The following WDR31 variants were observed in gnomAD, a reference collection of about 807,000 sequenced individuals.
WDR31 encodes the protein WD repeat-containing protein 31.
Under a neutral mutation model 47.3 loss-of-function variants are expected in WDR31, and 30 were observed. The ratio of observed to expected loss-of-function variants is 0.63; its 90% CI spans 0.47 to 0.86. WDR31 has a LOEUF of 0.86. Ranked by LOEUF, WDR31 falls within the 40% of genes least tolerant of loss-of-function variation. The pLI, the probability that WDR31 is intolerant of heterozygous loss-of-function variation, is 0.00. For missense variants in WDR31, 406 were observed against 442.9 expected, an observed-to-expected ratio of 0.92 and a Z score of 0.75; for synonymous variants, 137 against 159.4, an observed-to-expected ratio of 0.86 and a Z score of 1.06.
chr9:113,318,294 T>A (rs1186269476), intron 10 of WDR31, among the ~76,000 whole-genome samples, 181 bp downstream of exon 10: 5 of 152,258 alleles, frequency 3.3e-5, no homozygotes, highest in African/African-American at 4.8e-5. Context: ...GGAATGAGTC[T>A]ATACAACATG....
intron 8 of WDR31, among the ~76,000 whole-genome samples, chr9:113,321,307 G>C (rs1458467443): frequency 6.6e-6 from 1 of 152,180 alleles, no homozygotes; most frequent in Non-Finnish European, 1.5e-5. Context: ...GCTTTTACTT[G>C]GCCTGATCTC....
intron 4 of WDR31, among the ~76,000 whole-genome samples, chr9:113,330,076 A>G (rs926723977): frequency 1.3e-5 from 2 of 152,188 alleles, no homozygotes; most frequent in Admixed American, 1.3e-4. Context: ...TGAAGATTCT[A>G]AAAGGCTATT....
chr9:113,316,714 A>G lies in WDR31; in HGVS notation c.*35T>C, dbSNP rs1366738946. 1 of 1,594,772 alleles carries G rather than the reference A, an allele frequency of 6.3e-7. No homozygotes were observed. Among genetic ancestry groups the G allele is most frequent in the Non-Finnish European group, 8.6e-7 (1 of 1,169,000 alleles). On this transcript the variant is annotated 3_prime_UTR_variant, in exon 11 of 11. Transcript: ENST00000374193. Reference sequence around the variant, plus strand: ...CACAAAGCCATGCTGAGGAGGAGCCATGGTTTGATATTGTCCAGTGAGTGT... The same window carrying G: ...CACAAAGCCATGCTGAGGAGGAGCCGTGGTTTGATATTGTCCAGTGAGTGT...
intron 10 of WDR31, 95 bp downstream of exon 10, chr9:113,318,380 G>A (rs904742400): frequency 4.7e-5 from 67 of 1,427,956 alleles, no homozygotes; most frequent in Middle Eastern, 2.4e-4. Flanking sequence ...GAAGATGGGT[G>A]GCTTTGTAAT....
At chr9:113,321,658 C>A in intron 7 of WDR31, 80 bp from the exon 8 acceptor site, 2 of 1,327,392 alleles carry the variant, frequency 1.5e-6, no homozygotes, top group Middle Eastern at 1.8e-4. Flanking sequence ...TGCTAACTAG[C>A]ATCACTGTGC....
chr9:113,322,120 C>G (rs894075314), intron 7 of WDR31, among the ~76,000 whole-genome samples: 1 of 151,276 alleles, frequency 6.6e-6, no homozygotes, highest in African/African-American at 2.4e-5. Flanking sequence ...ATTTGACAAC[C>G]ACTAAAAGAA....
At chr9:113,338,423 A>T (rs2118871627) in intron 1 of WDR31, among the ~76,000 whole-genome samples, 1 of 152,354 alleles carries the variant, frequency 6.6e-6, no homozygotes, top group Admixed American at 6.5e-5. Flanking sequence ...AGAATAAGAA[A>T]TAAAAGTACT....
rs1180530861 is a variant in WDR31, at chr9:113,322,855, C to T, written c.526G>A (p.Val176Met). 6.2e-7 allele frequency: 1 copy of T among 1,614,058 alleles called. No individual in the cohort carries two copies. Among genetic ancestry groups the T allele is most frequent in the Non-Finnish European group, 8.5e-7 (1 of 1,180,044 alleles). The stretch of plus-strand genomic sequence containing the variant: ...GCTCTTTCCACACTCTGTCCTGTCA[C>T]CACATCCCACAGAAGCAGGGTGTTG... ...RDNTLLLWDV[V>M]TGQSVERASV... The change falls in exon 7 of 11, where the codon GTG (valine) becomes ATG (methionine). Residue 176 changes from valine (V) to methionine (M), a missense_variant. Transcript: ENST00000374193.
At chr9:113,335,035 G>C (rs1257990128) in intron 2 of WDR31, among the ~76,000 whole-genome samples, 1 of 152,082 alleles carries the variant, frequency 6.6e-6, no homozygotes, top group Non-Finnish European at 1.5e-5. Context: ...CAAAAAGTTT[G>C]AGAGCCAGTG....
chr9:113,320,516 A>G lies in WDR31; in HGVS notation c.639-18T>C. On this transcript the variant is annotated intron_variant, in intron 8 of 10. Coordinates refer to ENST00000374193, the MANE Select transcript of WDR31 (RefSeq NM_001012361.4). ...CCCATAATCTGAAAGAGATTAGGGC[A>G]GGAAATTAGCTTGTAGTAAATGTGG... The G allele has an allele frequency of 6.2e-7, 1 of 1,610,130 alleles. No individual in the cohort carries two copies. Among genetic ancestry groups the G allele is most frequent in the Non-Finnish European group, 8.5e-7 (1 of 1,177,834 alleles).
chr9:113,331,384 C>G (rs907996441), intron 3 of WDR31, among the ~76,000 whole-genome samples: 1 of 152,186 alleles, frequency 6.6e-6, no homozygotes, highest in African/African-American at 2.4e-5. Context: ...TTTGCTCACA[C>G]TAGCAATTAA....
At chr9:113,317,897 C>T (rs1833243268) in intron 10 of WDR31, among the ~76,000 whole-genome samples, 1 of 152,252 alleles carries the variant, frequency 6.6e-6, no homozygotes, top group Non-Finnish European at 1.5e-5. Context: ...AGATTTCAGG[C>T]TACCAAAGGT....
At chr9:113,335,567 A>G (rs571630580) in intron 2 of WDR31, among the ~76,000 whole-genome samples, 41 of 152,334 alleles carry the variant, frequency 2.7e-4, no homozygotes, top group African/African-American at 9.6e-4. Flanking sequence ...CACCAACTTA[A>G]TATTCTCATT....
rs1373498770 is a variant in WDR31 at position 113,315,614 on chromosome 9, A to C, written c.*1135T>G. The C allele has an allele frequency of 6.6e-6, 1 of 151,886 alleles. No individual in the cohort carries two copies. Among genetic ancestry groups the C allele is most frequent in the Non-Finnish European group, 1.5e-5 (1 of 68,076 alleles). 9.4% of individuals were successfully genotyped at this position (151,886 alleles called of 1,614,324 possible). A position where few individuals can be genotyped will look rare whatever the true frequency, so the allele number is the denominator to read the frequency against. ...TGCCCCTCCTCACTGAAGGGGGCTT[A>C]ATGTCTGGGGCACAGTTGACTCCAT... On this transcript the variant is annotated 3_prime_UTR_variant, in exon 11 of 11. Coordinates refer to ENST00000374193, the MANE Select transcript of WDR31 (RefSeq NM_001012361.4).
At chr9:113,324,674 G>A (rs907581937) in intron 5 of WDR31, among the ~76,000 whole-genome samples, 6 of 152,082 alleles carry the variant, frequency 3.9e-5, no homozygotes, top group African/African-American at 1.4e-4. Context: ...ACAAGCACGA[G>A]CCACTGTGCT....
chr9:113,332,412 G>T (rs1211381522), intron 2 of WDR31, among the ~76,000 whole-genome samples: 1 of 152,212 alleles, frequency 6.6e-6, no homozygotes, highest in Admixed American at 6.5e-5. Context: ...ATCAACAGAT[G>T]AGTGGAGAAA....
intron 9 of WDR31, 32 bp downstream of exon 9, chr9:113,320,325 A>G: frequency 1.2e-6 from 2 of 1,611,226 alleles, no homozygotes; most frequent in Non-Finnish European, 1.7e-6. Flanking sequence ...TTCATCAGCA[A>G]CCAGATACCT....
intron 9 of WDR31, 62 bp from the exon 10 acceptor site, chr9:113,318,699 A>C: frequency 6.4e-7 from 1 of 1,569,468 alleles, no homozygotes. Context: ...ATGAATATCT[A>C]TCTCCCCCTA....
At chr9:113,328,204 C>T (rs2118825754) in intron 5 of WDR31, among the ~76,000 whole-genome samples, 1 of 152,320 alleles carries the variant, frequency 6.6e-6, no homozygotes, top group African/African-American at 2.4e-5. Flanking sequence ...GTGACATCTG[C>T]ACTCTGCCAA....
Sources: gnomAD v4.1 joint callset for allele counts (sites outside exome capture counted in the v4.1 genomes callset) on GRCh38, gnomAD v4.1.1 for gene constraint, MANE v1.5 for transcripts, NCBI Gene and HGNC (gene_info 2026-07-23, HGNC 2026-07-21) for gene names.